The following PLOD2 variants were observed in gnomAD, a reference collection of about 807,000 sequenced individuals.
PLOD2 encodes procollagen-lysine,2-oxoglutarate 5-dioxygenase 2.
In PLOD2, 65 loss-of-function variants were observed where a neutral mutation model predicts 101.0. The observed-to-expected ratio is 0.64, with a 90% CI of 0.53 to 0.79. The LOEUF is 0.79. Among genes scored for constraint, PLOD2 ranks in the 30% least tolerant of loss-of-function variants. The probability of loss-of-function intolerance (pLI) is 0.00; values close to 1 mark genes in which losing one functional copy is unlikely to be tolerated. For missense variants in PLOD2, 909 were observed against 914.6 expected (o/e 0.99, Z 0.08); for synonymous variants, 314 against 302.9 (o/e 1.04, Z -0.38).
intron 8 of PLOD2, among the ~76,000 whole-genome samples, chr3:146,090,507 G>A (rs916995291): frequency 2.6e-5 from 4 of 151,480 alleles, no homozygotes; most frequent in South Asian, 2.1e-4. Context: ...GTATTAACTC[G>A]CCCTCCAGAA....
At chr3:146,087,056 G>A (rs906289734) in intron 9 of PLOD2, 148 bp from the exon 10 acceptor site, 9 of 436,726 alleles carry the variant, frequency 2.1e-5, no homozygotes, top group East Asian at 1.1e-4. Context: ...TATTAAACAC[G>A]GTATATTTAA....
intron 3 of PLOD2, among the ~76,000 whole-genome samples, chr3:146,113,492 G>T (rs144927047): frequency 3.9e-5 from 6 of 152,322 alleles, no homozygotes; most frequent in African/African-American, 1.2e-4. Context: ...AACATAAATT[G>T]TGAAGATTTC....
chr3:146,117,372 A>G (rs1203314302), intron 3 of PLOD2, among the ~76,000 whole-genome samples: 1 of 152,198 alleles, frequency 6.6e-6, no homozygotes, highest in African/African-American at 2.4e-5. Flanking sequence ...AATGGGCATC[A>G]TATTTCAAAC....
intron 9 of PLOD2, among the ~76,000 whole-genome samples, chr3:146,087,428 C>CTG: frequency 6.6e-6 from 1 of 151,758 alleles, no homozygotes; most frequent in Admixed American, 6.6e-5. Flanking sequence ...AAAAATTTTA[C>CTG]TTAACAAAAA....
At chr3:146,082,454 G>A (rs1162564966) in intron 11 of PLOD2, among the ~76,000 whole-genome samples, 3 of 152,120 alleles carry the variant, frequency 2.0e-5, no homozygotes, top group Non-Finnish European at 4.4e-5. Context: ...GCTAGTCCTG[G>A]CAACACTGAA....
intron 1 of PLOD2, among the ~76,000 whole-genome samples, chr3:146,154,229 T>C (rs1191959970): frequency 1.3e-5 from 2 of 152,220 alleles, no homozygotes; most frequent in Non-Finnish European, 2.9e-5. Context: ...CTATTGAGTA[T>C]ATTTACAGTA....
At chr3:146,109,880 C>A (rs1280578650) in intron 4 of PLOD2, among the ~76,000 whole-genome samples, 1 of 151,896 alleles carries the variant, frequency 6.6e-6, no homozygotes, top group Non-Finnish European at 1.5e-5. Flanking sequence ...TTAAGTAATA[C>A]CTATTCTTAA....
At chr3:146,154,358 T>G (rs1451538315) in intron 1 of PLOD2, among the ~76,000 whole-genome samples, 1 of 152,166 alleles carries the variant, frequency 6.6e-6, no homozygotes, top group Non-Finnish European at 1.5e-5. Context: ...GACACTCCAA[T>G]GTAGTATACC....
At chr3:146,096,133 C>T (rs945549024) in intron 7 of PLOD2, among the ~76,000 whole-genome samples, 1 of 150,248 alleles carries the variant, frequency 6.7e-6, no homozygotes, top group Non-Finnish European at 1.5e-5. Flanking sequence ...GAGTGATCCG[C>T]CAGCCTCGGC....
At chr3:146,104,145 TAA>T (rs1260840802) in intron 6 of PLOD2, 132 bp downstream of exon 6, 2 of 699,088 alleles carry the variant, frequency 2.9e-6, no homozygotes, top group African/African-American at 1.8e-5. Context: ...GTATTTTTGT[TAA>T]GTTACAATAA....
At chr3:146,148,338 G>GCACGCACACACACACACA (rs1553742438) in intron 1 of PLOD2, among the ~76,000 whole-genome samples, 1 of 146,448 alleles carries the variant, frequency 6.8e-6, no homozygotes, top group Non-Finnish European at 1.5e-5. Context: ...AGGCAGGCAC[G>GCACGCACACACACACACA]CACACACACA....
chr3:146,113,454 G>T (rs1200757082), intron 3 of PLOD2, among the ~76,000 whole-genome samples: 1 of 152,220 alleles, frequency 6.6e-6, no homozygotes, highest in Non-Finnish European at 1.5e-5. Context: ...ACCCCAAATG[G>T]AGGGACCGGC....
In PLOD2 at chr3:146,106,655, GC is replaced by G; in HGVS notation, c.503-12del. ...CATAGCCAATAAATCCTGCAACACA[GC>G]AGAGAGAAAGTAGATAATTTAGGAT... On this transcript the variant is annotated splice_polypyrimidine_tract_variant and intron_variant, in intron 4 of 19. Coordinates refer to ENST00000282903, the MANE Select transcript of PLOD2 (RefSeq NM_182943.3). 1 of 1,295,388 alleles carries G rather than the reference GC, an allele frequency of 7.7e-7. No individual in the cohort carries two copies. Among genetic ancestry groups the G allele is most frequent in the Non-Finnish European group, 1.1e-6 (1 of 889,556 alleles). The allele number at this position is 1,295,388 out of a possible 1,614,324, so 80.2% of individuals were successfully genotyped here. A position where few individuals can be genotyped will look rare whatever the true frequency, so the allele number is the denominator to read the frequency against.
intron 1 of PLOD2, among the ~76,000 whole-genome samples, chr3:146,127,350 C>T (rs576697971): frequency 1.3e-5 from 2 of 152,078 alleles, no homozygotes; most frequent in South Asian, 2.1e-4. Flanking sequence ...TTTTTGGAGT[C>T]CCCAGTGTCT....
chr3:146,085,304 T>C, intron 10 of PLOD2, 31 bp from the exon 11 acceptor site: 1 of 1,058,250 alleles, frequency 9.4e-7, no homozygotes. Flanking sequence ...GAAATGGGCA[T>C]GACATAAAAT....
intron 15 of PLOD2, 32 bp from the exon 16 acceptor site, chr3:146,073,384 T>A: frequency 1.3e-6 from 1 of 769,484 alleles, no homozygotes; most frequent in Admixed American, 2.5e-5. Context: ...AAAACAAATA[T>A]CTTTATAAAT....
At chr3:146,150,902 A>G (rs1216428532) in intron 1 of PLOD2, among the ~76,000 whole-genome samples, 3 of 152,186 alleles carry the variant, frequency 2.0e-5, no homozygotes, top group Non-Finnish European at 4.4e-5. Context: ...AAAACACCAG[A>G]CTTGTTTTCT....
chr3:146,134,521 G>C (rs917015460), intron 1 of PLOD2, among the ~76,000 whole-genome samples: 1 of 152,214 alleles, frequency 6.6e-6, no homozygotes, highest in Non-Finnish European at 1.5e-5. Flanking sequence ...GTGGGATGGG[G>C]TAACCCATCT....
rs895842761 is a variant in PLOD2, at chr3:146,161,131, C to G, written c.-142G>C. ...GCGGGCAAGGCGCGCGGCCGGCAGC[C>G]GGAGCGGCGCGTAACGCAGCTGAGT... On this transcript the variant is annotated 5_prime_UTR_variant, in exon 1 of 20. Transcript: ENST00000282903. The G allele has an allele frequency of 1.6e-5, 7 of 443,050 alleles. No individual in the cohort carries two copies. The highest frequency in any genetic ancestry group is 1.3e-4 in the African/African-American group (6 of 47,736). 27.4% of individuals were successfully genotyped at this position (443,050 alleles called of 1,614,324 possible). A position where few individuals can be genotyped will look rare whatever the true frequency, so the allele number is the denominator to read the frequency against.
Sources: gnomAD v4.1 joint callset for allele counts (sites outside exome capture counted in the v4.1 genomes callset) on GRCh38, gnomAD v4.1.1 for gene constraint, MANE v1.5 for transcripts, NCBI Gene and HGNC (gene_info 2026-07-23, HGNC 2026-07-21) for gene names.